Variants in BMPR1A observed in about 807,000 individuals in gnomAD.
The protein encoded by BMPR1A is bone morphogenetic protein receptor type 1A.
Under a neutral mutation model 66.0 loss-of-function variants are expected in BMPR1A, and 7 were observed. The observed-to-expected ratio is 0.11, with a 90% confidence interval of 0.06 to 0.20. The LOEUF is 0.20. Among genes scored for constraint, BMPR1A ranks in the 10% least tolerant of loss-of-function variants. The pLI is 1.00. For synonymous variants in BMPR1A, 200 were observed against 229.7 expected (o/e 0.87, Z 1.17); for missense variants, 408 against 669.1 (o/e 0.61, Z 4.31).
chr10:86,786,572 CT>C (rs1446565007), intron 1 of BMPR1A, among the ~76,000 whole-genome samples: 1 of 152,220 alleles, frequency 6.6e-6, no homozygotes, highest in African/African-American at 2.4e-5. Flanking sequence ...CCATCTCAGT[CT>C]TTTGTCACAG....
chr10:86,777,085 T>C (rs1335684810), intron 1 of BMPR1A, among the ~76,000 whole-genome samples: 1 of 152,176 alleles, frequency 6.6e-6, no homozygotes, highest in Non-Finnish European at 1.5e-5. Flanking sequence ...TACTCTCTCC[T>C]TATGTCCTTA....
intron 1 of BMPR1A, among the ~76,000 whole-genome samples, chr10:86,836,275 G>A (rs1564699117): frequency 1.3e-5 from 2 of 148,796 alleles, no homozygotes; most frequent in East Asian, 4.0e-4. Flanking sequence ...TGTGCTCATA[G>A]GACTATAGCA....
rs1015619328 is a variant in BMPR1A at position 86,927,172 on chromosome 10, G to C, written c.*3453G>C. ...TTCTTCAGATGCTTTGTTCTGTTTAGAACAAAAATGCACTATAGTTTTTAA... is the reference window on the plus strand; with the variant it reads ...TTCTTCAGATGCTTTGTTCTGTTTACAACAAAAATGCACTATAGTTTTTAA... On this transcript the variant is annotated 3_prime_UTR_variant, in exon 13 of 13. Transcript: ENST00000372037. 2 of 186,854 alleles carry C rather than the reference G, an allele frequency of 1.1e-5. No homozygotes were observed. The highest frequency in any genetic ancestry group is 6.2e-5 in the Admixed American group (1 of 16,138). 11.6% of individuals were successfully genotyped at this position (186,854 alleles called of 1,614,324 possible).
intron 3 of BMPR1A, among the ~76,000 whole-genome samples, chr10:86,878,295 A>G (rs1842945184): frequency 6.6e-6 from 1 of 152,210 alleles, no homozygotes; most frequent in Non-Finnish European, 1.5e-5. Flanking sequence ...CTGTTAGGGT[A>G]TAGATTTAAG....
chr10:86,863,585 G>A (rs930001091), intron 2 of BMPR1A, among the ~76,000 whole-genome samples: 3 of 152,148 alleles, frequency 2.0e-5, no homozygotes, highest in South Asian at 4.2e-4. Context: ...GATGTCTCCC[G>A]GGATCTGGCT....
chr10:86,828,206 G>A (rs1464488738), intron 1 of BMPR1A, among the ~76,000 whole-genome samples: 3 of 152,160 alleles, frequency 2.0e-5, no homozygotes, highest in African/African-American at 7.2e-5. Context: ...AATAGAAGAT[G>A]TGTTCAGTTT....
chr10:86,870,182 T>G (rs1842838034), intron 2 of BMPR1A, among the ~76,000 whole-genome samples: 1 of 152,210 alleles, frequency 6.6e-6, no homozygotes, highest in Admixed American at 6.5e-5. Context: ...ACCGTTCTTT[T>G]AGCATAACCG....
At chr10:86,757,335 G>T (rs1056565248) in intron 1 of BMPR1A, among the ~76,000 whole-genome samples, 4 of 152,170 alleles carry the variant, frequency 2.6e-5, no homozygotes, top group African/African-American at 7.2e-5. Context: ...TTCGGGCGGG[G>T]GTCGAGTGAG....
intron 2 of BMPR1A, among the ~76,000 whole-genome samples, chr10:86,842,158 C>G (rs963079143): frequency 6.6e-6 from 1 of 152,106 alleles, no homozygotes; most frequent in Non-Finnish European, 1.5e-5. Context: ...GGATGGATCC[C>G]TCAACCTGTG....
chr10:86,921,382 A>G (rs1328396359), intron 10 of BMPR1A, 138 bp from the exon 11 acceptor site: 2 of 1,160,654 alleles, frequency 1.7e-6, no homozygotes, highest in African/African-American at 1.6e-5. Flanking sequence ...ATTTAAAGAA[A>G]AATCTGAAAA....
chr10:86,759,949 G>A (rs896344694), intron 1 of BMPR1A, among the ~76,000 whole-genome samples: 2 of 151,312 alleles, frequency 1.3e-5, no homozygotes, highest in African/African-American at 4.9e-5. Flanking sequence ...TGGCTTTCAC[G>A]TAGTTCTCCC....
intron 1 of BMPR1A, among the ~76,000 whole-genome samples, chr10:86,837,529 CTCTT>C (rs1842370512): frequency 6.6e-6 from 1 of 152,114 alleles, no homozygotes; most frequent in African/African-American, 2.4e-5. Flanking sequence ...GGAGGAAAAT[CTCTT>C]TATGCCATTT....
chr10:86,834,072 T>A (rs1842308579), intron 1 of BMPR1A, among the ~76,000 whole-genome samples: 1 of 152,208 alleles, frequency 6.6e-6, no homozygotes, highest in Non-Finnish European at 1.5e-5. Context: ...TACCTGGGTC[T>A]TTTTTCATCA....
At chr10:86,859,694 C>T (rs1842688005) in intron 2 of BMPR1A, among the ~76,000 whole-genome samples, 1 of 152,042 alleles carries the variant, frequency 6.6e-6, no homozygotes, top group Admixed American at 6.5e-5. Context: ...CCTGTAGTCC[C>T]AGCTACTCGG....
At chr10:86,824,081 T>TTGTGTGTGTGTGTGTG (rs71477609) in intron 1 of BMPR1A, among the ~76,000 whole-genome samples, 1,496 of 94,088 alleles carry the variant, frequency 0.016, 36 homozygotes, top group African/African-American at 0.041. Context: ...TTACCAAGGG[T>TTGTGTGTGTGTGTGTG]TGTGTGTGTG....
At chr10:86,795,660 G>A (rs1841697928) in intron 1 of BMPR1A, among the ~76,000 whole-genome samples, 1 of 152,048 alleles carries the variant, frequency 6.6e-6, no homozygotes. Context: ...AGGGAGGGAG[G>A]GAATTAGGCA....
At chr10:86,863,624 G>A (rs1367368187) in intron 2 of BMPR1A, among the ~76,000 whole-genome samples, 1 of 152,092 alleles carries the variant, frequency 6.6e-6, no homozygotes, top group Non-Finnish European at 1.5e-5. Context: ...CTGCCTTCTG[G>A]TTCTCCTTCT....
rs1554888956 is a variant in BMPR1A at position 86,899,784 on chromosome 10, C to T, written c.334-10C>T. The T allele has an allele frequency of 6.2e-7, 1 of 1,607,874 alleles. No homozygotes were observed. The highest frequency in any genetic ancestry group is 2.2e-5 in the East Asian group (1 of 44,852). ...AACCATTTCTAATTTTATCATTACT[C>T]TTCTTTTAGGATTCTCCAAAAGCCC... is the stretch of plus-strand genomic sequence containing the variant. On this transcript the variant is annotated splice_polypyrimidine_tract_variant and intron_variant, in intron 5 of 12. Coordinates refer to ENST00000372037, the MANE Select transcript of BMPR1A (RefSeq NM_004329.3).
intron 1 of BMPR1A, among the ~76,000 whole-genome samples, chr10:86,792,709 A>G (rs1439268149): frequency 2.6e-5 from 4 of 152,212 alleles, no homozygotes; most frequent in Admixed American, 6.5e-5. Context: ...AGCAATTACT[A>G]TATGCAGGGC....
Sources: gnomAD v4.1 joint callset for allele counts (sites outside exome capture counted in the v4.1 genomes callset) on GRCh38, gnomAD v4.1.1 for gene constraint, MANE v1.5 for transcripts, NCBI Gene and HGNC (gene_info 2026-07-23, HGNC 2026-07-21) for gene names.